Variants in POGLUT2 observed in about 807,000 individuals in gnomAD.
The protein encoded by POGLUT2 is protein O-glucosyltransferase 2.
Under a neutral mutation model 57.6 loss-of-function variants are expected in POGLUT2, and 47 were observed. That is an observed-to-expected ratio of 0.82 (90% CI 0.65 to 1.04). The LOEUF (loss-of-function observed/expected upper bound fraction) is 1.04. POGLUT2 is among the 50% of genes least tolerant of loss of function. The probability of loss-of-function intolerance (pLI) is 0.00; values close to 1 mark genes in which losing one functional copy is unlikely to be tolerated. For synonymous variants in POGLUT2, 200 were observed against 218.8 expected (o/e 0.91, Z 0.76); for missense variants, 565 against 614.8 (o/e 0.92, Z 0.86).
chr13:102,796,307 A>AAAAT (rs1555319526), intron 2 of POGLUT2, among the ~76,000 whole-genome samples: 33 of 146,906 alleles, frequency 2.2e-4, no homozygotes, highest in Admixed American at 5.4e-4. Context: ...AAAAAAAAAA[A>AAAAT]AAAAATAAAT....
intron 2 of POGLUT2, among the ~76,000 whole-genome samples, 173 bp from the exon 3 acceptor site, chr13:102,793,979 G>A (rs1278390347): frequency 2.0e-5 from 3 of 152,022 alleles, no homozygotes; most frequent in Admixed American, 1.3e-4. Context: ...GGCTCATGTC[G>A]GTAATCCCAG....
In POGLUT2 at chr13:102,798,858, C is replaced by T; in HGVS notation, c.-188G>A. On this transcript the variant is annotated 5_prime_UTR_variant, in exon 1 of 10. Transcript: ENST00000376004. ...GACCCCAGGACAATCAAAGCCCGTG[C>T]CCCGGCGCGCCCAGGTGAGGGTCCC... 2.0e-6 allele frequency: 1 copy of T among 512,430 alleles called. No homozygotes were observed. Among genetic ancestry groups the T allele is most frequent in the Non-Finnish European group, 3.3e-6 (1 of 301,756 alleles). The allele number at this position is 512,430 out of a possible 1,614,324, so 31.7% of individuals were successfully genotyped here. A position where few individuals can be genotyped will look rare whatever the true frequency, so the allele number is the denominator to read the frequency against.
chr13:102,787,922 G>C lies in POGLUT2; in HGVS notation c.1295C>G (p.Ala432Gly). 6.3e-7 allele frequency: 1 copy of C among 1,582,540 alleles called. No homozygotes were observed. The change falls in exon 8 of 10, where the codon GCC becomes GGC. Residue 432 changes from alanine to glycine, a missense_variant and splice_region_variant. Physicochemically the swap from Ala to Gly is moderately conservative, Grantham distance 60. Transcript: ENST00000376004. ...LKWAKDHDEE[A>G]KKIAKAGQEF... ...TTGTCCTGCTTTTGCTATCTTTTTG[G>C]CCTACAGGAAGAACAACGACAAAAT... is the stretch of plus-strand genomic sequence containing the variant.
At chr13:102,784,747 G>A (rs985751886) in intron 9 of POGLUT2, among the ~76,000 whole-genome samples, 1 of 152,154 alleles carries the variant, frequency 6.6e-6, no homozygotes, top group Non-Finnish European at 1.5e-5. Context: ...CTACTGTAAA[G>A]GCCTCATGTT....
intron 4 of POGLUT2, chr13:102,791,895 T>A (rs1426548649): frequency 3.7e-5 from 32 of 875,374 alleles, no homozygotes; most frequent in Non-Finnish European, 5.2e-5. Flanking sequence ...GCAAATGGCA[T>A]GAATATGTAA....
At chr13:102,796,091 T>C (rs1420132345) in intron 2 of POGLUT2, among the ~76,000 whole-genome samples, 1 of 151,710 alleles carries the variant, frequency 6.6e-6, no homozygotes, top group Non-Finnish European at 1.5e-5. Flanking sequence ...GGTCAAGAGA[T>C]CGAAACCATC....
chr13:102,789,061 A>G lies in POGLUT2; in HGVS notation c.1244T>C (p.Leu415Pro), dbSNP rs1878067839. The G allele has an allele frequency of 6.2e-7, 1 of 1,614,088 alleles. No homozygotes were observed. Among genetic ancestry groups the G allele is most frequent in the African/African-American group, 1.3e-5 (1 of 74,936 alleles). Reference protein sequence around the residue: ...WKHYIPVKSNLSDLLEKLKWA... With the variant: ...WKHYIPVKSNPSDLLEKLKWA... The stretch of plus-strand genomic sequence containing the variant: ...TTTAAGTTTTTCTAGCAGATCGCTC[A>G]GGTTGCTCTTAACTGGAATGTAGTG... Residue 415 changes from leucine to proline, a missense_variant, in exon 7 of 10, where the codon CTG becomes CCG. Transcript: ENST00000376004.
chr13:102,788,036 T>C (rs1878021032), intron 7 of POGLUT2, 113 bp from the exon 8 acceptor site: 1 of 572,860 alleles, frequency 1.7e-6, no homozygotes, highest in Non-Finnish European at 3.1e-6. Flanking sequence ...GGAAATAATA[T>C]CTTTGGGGGT....
chr13:102,789,158 C>A lies in POGLUT2; in HGVS notation c.1147G>T (p.Gly383Cys). 6.2e-7 allele frequency: 1 copy of A among 1,614,126 alleles called. No individual in the cohort carries two copies. The highest frequency in any genetic ancestry group is 1.1e-5 in the South Asian group (1 of 91,084). The stretch of plus-strand genomic sequence containing the variant: ...TCCTGCTTCAGCACAACACTGTCAC[C>A]AACTAGCAAATATGGCAGGCGATAA... ...AAYRLPYLLV[G>C]DSVVLKQDSI... The change falls in exon 7 of 10, where the codon GGT becomes TGT. Residue 383 changes from glycine to cysteine, a missense_variant. By Grantham distance (159) the Gly-to-Cys change is radical. Coordinates refer to ENST00000376004, the MANE Select transcript of POGLUT2 (RefSeq NM_024089.3).
intron 8 of POGLUT2, 45 bp downstream of exon 8, chr13:102,787,789 T>C (rs754294198): frequency 9.8e-7 from 1 of 1,019,464 alleles, no homozygotes; most frequent in South Asian, 1.7e-5. Context: ...GTTCTTAACA[T>C]GTCTACTTAT....
intron 2 of POGLUT2, among the ~76,000 whole-genome samples, chr13:102,795,832 A>C (rs1362232975): frequency 1.0e-5 from 1 of 96,822 alleles, no homozygotes; most frequent in East Asian, 2.9e-4. Flanking sequence ...TTCTCTGCAG[A>C]GTTCACAAAA....
In POGLUT2 at chr13:102,793,647, A is replaced by G. The variant is rs369648880; in HGVS notation, c.548T>C (p.Phe183Ser). The change falls in exon 3 of 10, where the codon TTT (phenylalanine) becomes TCT (serine). Residue 183 changes from phenylalanine (F) to serine (S), a missense_variant. Phe to Ser is a radical substitution (Grantham distance 155). Transcript: ENST00000376004. ...GTGACATAGGCTCTGCCTCTGTCCA[A>G]ATCTTTTTGGGATTTCTACTGCAAT... ...EKIAVEIPKR[F>S]GQRQSLCHYT... The G allele has an allele frequency of 6.2e-7, 1 of 1,614,046 alleles. No homozygotes were observed. The highest frequency in any genetic ancestry group is 8.5e-7 in the Non-Finnish European group (1 of 1,180,050).
At position 102,798,783 on chromosome 13, in the gene POGLUT2, G is replaced by C; in HGVS notation, c.-113C>G. The C allele has an allele frequency of 8.9e-7, 1 of 1,125,914 alleles. No individual in the cohort carries two copies. Among genetic ancestry groups the C allele is most frequent in the Non-Finnish European group, 1.2e-6 (1 of 820,110 alleles). The allele number at this position is 1,125,914 out of a possible 1,614,324, so 69.7% of individuals were successfully genotyped here. A position where few individuals can be genotyped will look rare whatever the true frequency, so the allele number is the denominator to read the frequency against. On this transcript the variant is annotated 5_prime_UTR_variant, in exon 1 of 10. Coordinates refer to ENST00000376004, the MANE Select transcript of POGLUT2 (RefSeq NM_024089.3). ...GCCGGCCGATCGCAGCAGCCAACGCGACTGCAAAGGTTGCCGCCCGGCGTG... is the reference window on the plus strand; with the variant it reads ...GCCGGCCGATCGCAGCAGCCAACGCCACTGCAAAGGTTGCCGCCCGGCGTG...
At chr13:102,790,167 AC>A (rs1348223325) in intron 6 of POGLUT2, among the ~76,000 whole-genome samples, 1 of 152,242 alleles carries the variant, frequency 6.6e-6, no homozygotes, top group African/African-American at 2.4e-5. Flanking sequence ...TTCAACTTTA[AC>A]ATTGAACAAG....
chr13:102,790,698 C>A (rs542728532), intron 6 of POGLUT2, among the ~76,000 whole-genome samples: 3 of 152,222 alleles, frequency 2.0e-5, no homozygotes, highest in Non-Finnish European at 2.9e-5. Flanking sequence ...TCCCTTGATG[C>A]GCATTTAATA....
rs1878257514 is a variant in POGLUT2 at position 102,793,388 on chromosome 13, C to T, written c.625G>A (p.Gly209Ser). 1 of 1,593,716 alleles carries T rather than the reference C, an allele frequency of 6.3e-7. No homozygotes were observed. The highest frequency in any genetic ancestry group is 8.6e-7 in the Non-Finnish European group (1 of 1,161,782). ...ATGGCATCCATGAAAATTCTAAAAC[C>T]TACATGTTCACCATGAGTCTTGATA... The part of the protein sequence containing the change: ...VYIKTHGEHV[G>S]FRIFMDAILL... Residue 209 changes from glycine to serine, a missense_variant, in exon 4 of 10, where the codon GGT (glycine) becomes AGT (serine). Gly to Ser is a moderately conservative substitution (Grantham distance 56, BLOSUM62 0). Coordinates refer to ENST00000376004, the MANE Select transcript of POGLUT2 (RefSeq NM_024089.3).
intron 4 of POGLUT2, among the ~76,000 whole-genome samples, chr13:102,792,803 G>C (rs1032501328): frequency 7.3e-5 from 11 of 151,036 alleles, no homozygotes; most frequent in Non-Finnish European, 1.6e-4. Flanking sequence ...AATTTTTTTT[G>C]GGGGGGGACA....
intron 1 of POGLUT2, among the ~76,000 whole-genome samples, chr13:102,797,704 T>G (rs1377110868): frequency 4.6e-5 from 7 of 151,842 alleles, no homozygotes; most frequent in Non-Finnish European, 8.8e-5. Context: ...ATTGCACCAC[T>G]GCACTCCAGA....
Position 102,784,369 on chromosome 13 carries a change from T to A in POGLUT2, c.*126A>T, listed in dbSNP as rs562766700. On this transcript the variant is annotated 3_prime_UTR_variant, in exon 10 of 10. Transcript: ENST00000376004. ...AGAATACTGCATAAGTAGAAATGTG[T>A]CTTCATACTGCAAACAATCACACAG... 2.8e-5 allele frequency: 18 copies of A among 645,002 alleles called. No homozygotes were observed. Among genetic ancestry groups the A allele is most frequent in the Non-Finnish European group, 4.5e-5 (16 of 356,690 alleles). The allele number at this position is 645,002 out of a possible 1,614,324, so 40.0% of individuals were successfully genotyped here. A position where few individuals can be genotyped will look rare whatever the true frequency, so the allele number is the denominator to read the frequency against.
Sources: gnomAD v4.1 joint callset for allele counts (sites outside exome capture counted in the v4.1 genomes callset) on GRCh38, gnomAD v4.1.1 for gene constraint, MANE v1.5 for transcripts, NCBI Gene and HGNC (gene_info 2026-07-23, HGNC 2026-07-21) for gene names.